Variants in CAST observed in about 807,000 individuals in gnomAD.
CAST encodes the protein MIR583 host.
In CAST, 76 loss-of-function variants were observed where a neutral mutation model predicts 119.6. The ratio of observed to expected loss-of-function variants is 0.64; its 90% CI spans 0.53 to 0.77. The LOEUF is 0.77. Ranked by LOEUF, CAST falls within the 30% of genes least tolerant of loss-of-function variation. CAST has a pLI of 0.00. For synonymous variants in CAST, 319 were observed against 331.6 expected (o/e 0.96, Z 0.41); for missense variants, 953 against 946.5 (o/e 1.01, Z -0.09).
chr5:96,127,808 T>A, the CAST span, among the ~76,000 whole-genome samples: 4 of 152,268 alleles, frequency 2.6e-5, no homozygotes, highest in African/African-American at 9.6e-5. Context: ...CTAATTTTTA[T>A]ATCACTTGCT....
intron 1 of CAST, among the ~76,000 whole-genome samples, chr5:96,560,485 A>G (rs1480190288): frequency 6.6e-6 from 1 of 152,246 alleles, no homozygotes; most frequent in East Asian, 1.9e-4. Flanking sequence ...TCCAGAATCT[A>G]CAATGAACTC....
the CAST span, among the ~76,000 whole-genome samples, chr5:96,324,348 A>G: frequency 6.6e-6 from 1 of 152,182 alleles, no homozygotes; most frequent in Non-Finnish European, 1.5e-5. Context: ...TTACTACCTT[A>G]ACTTATTATT....
chr5:96,248,540 A>T, the CAST span, among the ~76,000 whole-genome samples: 1 of 152,204 alleles, frequency 6.6e-6, no homozygotes, highest in Non-Finnish European at 1.5e-5. Flanking sequence ...ATGGGATAAA[A>T]CTCCAAAAGA....
At chr5:96,616,511 G>A (rs1242539257) in intron 1 of CAST, among the ~76,000 whole-genome samples, 1 of 152,064 alleles carries the variant, frequency 6.6e-6, no homozygotes. Context: ...AGACTGTATT[G>A]CTAATTAACT....
At chr5:96,221,562 G>A in the CAST span, among the ~76,000 whole-genome samples, 1 of 152,044 alleles carries the variant, frequency 6.6e-6, no homozygotes, top group Non-Finnish European at 1.5e-5. Context: ...GGCAGTCAAA[G>A]ATTGCTATAA....
the CAST span, among the ~76,000 whole-genome samples, chr5:96,400,853 C>T: frequency 0.33 from 49,169 of 150,406 alleles, 8,551 homozygotes; most frequent in African/African-American, 0.48. Context: ...TTTGGGAGGC[C>T]GAGGCGGGCG....
At chr5:96,511,803 A>G in the CAST span, among the ~76,000 whole-genome samples, 4 of 152,204 alleles carry the variant, frequency 2.6e-5, no homozygotes, top group Non-Finnish European at 4.4e-5. Context: ...TTTGGTTCCA[A>G]AATCACCCTA....
At chr5:96,559,404 G>A (rs892153966) in intron 1 of CAST, among the ~76,000 whole-genome samples, 2 of 152,180 alleles carry the variant, frequency 1.3e-5, no homozygotes, top group African/African-American at 4.8e-5. Context: ...GTTAGGAAAG[G>A]AGGAAGTCAA....
At chr5:96,405,156 G>T in the CAST span, among the ~76,000 whole-genome samples, 1 of 152,128 alleles carries the variant, frequency 6.6e-6, no homozygotes, top group Admixed American at 6.5e-5. Flanking sequence ...ATGTACCTTG[G>T]CAGTAAGGAT....
chr5:96,020,372 A>C, the CAST span, among the ~76,000 whole-genome samples: 1,341 of 152,334 alleles, frequency 8.8e-3, 17 homozygotes, highest in African/African-American at 0.029. Context: ...GTTGTAAATA[A>C]ATAGATGAGT....
chr5:96,442,305 T>G, the CAST span, among the ~76,000 whole-genome samples: 3 of 152,250 alleles, frequency 2.0e-5, no homozygotes, highest in African/African-American at 7.2e-5. Context: ...TTGAATGGAC[T>G]AAATTATGTA....
At chr5:96,289,902 A>G in the CAST span, among the ~76,000 whole-genome samples, 1 of 150,272 alleles carries the variant, frequency 6.7e-6, no homozygotes, top group Admixed American at 6.8e-5. Context: ...CAAGACTACT[A>G]TATAATTTTG....
At position 96,770,373 on chromosome 5, in the gene CAST, C is replaced by T. The variant is rs1038648715; in HGVS notation, c.2269-158C>T. 6.5e-5 allele frequency: 38 copies of T among 585,066 alleles called. No individual in the cohort carries two copies. In the East Asian group the frequency reaches 1.0e-3, roughly 16 times the overall value. 36.2% of individuals were successfully genotyped at this position (585,066 alleles called of 1,614,324 possible). A position where few individuals can be genotyped will look rare whatever the true frequency, so the allele number is the denominator to read the frequency against. On this transcript the variant is annotated intron_variant, in intron 29 of 31. Transcript: ENST00000675179. ...TCCTGCTTTAAACAATTCTCTGACA[C>T]CGTTGTTCAAAAAAAATCATGAAAA...
At chr5:96,337,364 C>T in the CAST span, among the ~76,000 whole-genome samples, 2 of 152,126 alleles carry the variant, frequency 1.3e-5, no homozygotes, top group East Asian at 1.9e-4. Context: ...TCTGTATGCT[C>T]ATATAATACT....
the CAST span, among the ~76,000 whole-genome samples, chr5:96,026,495 C>T: frequency 6.6e-6 from 1 of 152,236 alleles, no homozygotes. Context: ...AAGCTTTCAC[C>T]CTTGTGACTA....
the CAST span, among the ~76,000 whole-genome samples, chr5:96,126,768 ATC>A: frequency 6.6e-6 from 1 of 152,126 alleles, no homozygotes; most frequent in South Asian, 2.1e-4. Context: ...ATCTTTTTTA[ATC>A]TCTATAATAG....
chr5:96,683,806 T>C (rs1055801210), intron 2 of CAST, among the ~76,000 whole-genome samples: 2 of 152,204 alleles, frequency 1.3e-5, no homozygotes, highest in African/African-American at 4.8e-5. Context: ...AAAGCTACAA[T>C]TAAAACTCCT....
intron 3 of CAST, among the ~76,000 whole-genome samples, chr5:96,720,123 C>T (rs1757965377): frequency 6.6e-6 from 1 of 152,206 alleles, no homozygotes; most frequent in African/African-American, 2.4e-5. Flanking sequence ...GCACCTGACA[C>T]AGTACCTGGC....
intron 2 of CAST, among the ~76,000 whole-genome samples, chr5:96,680,268 T>C (rs528377065): frequency 6.9e-6 from 1 of 145,442 alleles, no homozygotes; most frequent in African/African-American, 2.5e-5. Context: ...GGCAGGAGAA[T>C]TGCTTGAACC....
Sources: gnomAD v4.1 joint callset for allele counts (sites outside exome capture counted in the v4.1 genomes callset) on GRCh38, gnomAD v4.1.1 for gene constraint, MANE v1.5 for transcripts, NCBI Gene and HGNC (gene_info 2026-07-23, HGNC 2026-07-21) for gene names.